The following CNTN1 variants were observed in gnomAD, a reference collection of about 807,000 sequenced individuals.
The protein encoded by CNTN1 is contactin 1, also known as contactin-1.
CNTN1 carries 38 observed loss-of-function variants against 126.4 expected under a neutral mutation model. The ratio of observed to expected loss-of-function variants is 0.30; its 90% CI spans 0.23 to 0.39. The LOEUF is 0.39. CNTN1 is among the 10% of genes least tolerant of loss of function. The pLI, the probability that CNTN1 is intolerant of heterozygous loss-of-function variation, is 1.00. For synonymous variants in CNTN1, 413 were observed against 422.6 expected (o/e 0.98, Z 0.28); for missense variants, 1,009 against 1,248.4 (o/e 0.81, Z 2.89).
chr12:40,710,942 A>G (rs1941897869), intron 1 of CNTN1, among the ~76,000 whole-genome samples: 1 of 152,096 alleles, frequency 6.6e-6, no homozygotes, highest in Non-Finnish European at 1.5e-5. Context: ...TTTTAAATTC[A>G]GCCTTTTTCC....
chr12:40,713,743 G>A (rs1488303101), intron 1 of CNTN1, among the ~76,000 whole-genome samples: 1 of 152,044 alleles, frequency 6.6e-6, no homozygotes, highest in African/African-American at 2.4e-5. Flanking sequence ...AACTCTATAT[G>A]TTCCCAATAC....
chr12:41,002,558 C>T (rs1083205), intron 17 of CNTN1, among the ~76,000 whole-genome samples: 41,932 of 134,252 alleles, frequency 0.31, 7,194 homozygotes, highest in African/African-American at 0.49. Flanking sequence ...GGGTTTCTTT[C>T]TTTTTTTTTT....
At chr12:41,063,151 T>C (rs535140057) in intron 23 of CNTN1, among the ~76,000 whole-genome samples, 5 of 152,350 alleles carry the variant, frequency 3.3e-5, no homozygotes, top group Non-Finnish European at 5.9e-5. Context: ...TGGTTACTCA[T>C]AAAAATGGAT....
intron 1 of CNTN1, among the ~76,000 whole-genome samples, chr12:40,705,606 G>C (rs1374992094): frequency 6.6e-6 from 1 of 151,978 alleles, no homozygotes; most frequent in African/African-American, 2.4e-5. Context: ...ATGTATACAT[G>C]TGACATGCTG....
chr12:40,788,735 G>C (rs1446059848), intron 1 of CNTN1, among the ~76,000 whole-genome samples: 2 of 152,020 alleles, frequency 1.3e-5, no homozygotes, highest in African/African-American at 2.4e-5. Flanking sequence ...ATACCTCCTA[G>C]GTGACTAGAG....
In CNTN1 at chr12:41,018,026, G is replaced by T. The variant is rs1240050791; in HGVS notation, c.2419+1110G>T. ...GAATCGCCTGGACCCGGGAGGTGAA[G>T]TTGCCGTGAGCCGAGATCAGGCCAT... On this transcript the variant is annotated intron_variant, in intron 19 of 23. Coordinates refer to ENST00000551295, the MANE Select transcript of CNTN1 (RefSeq NM_001843.4). Among the ~76,000 whole-genome samples, 3 of 151,778 alleles carry T rather than the reference G, an allele frequency of 2.0e-5. No homozygotes were observed. The East Asian group carries it at 5.8e-4, about 30-fold the overall frequency.
intron 14 of CNTN1, among the ~76,000 whole-genome samples, chr12:40,950,097 G>GGTGTGTGTGTGTGTGTGT (rs59713493): frequency 6.9e-6 from 1 of 145,234 alleles, no homozygotes; most frequent in African/African-American, 2.6e-5. Flanking sequence ...GTGTTGAGAG[G>GGTGTGTGTGTGTGTGTGT]GTGTGTGTGT....
chr12:41,059,513 A>C (rs1949895201), intron 23 of CNTN1, among the ~76,000 whole-genome samples: 1 of 152,206 alleles, frequency 6.6e-6, no homozygotes, highest in Non-Finnish European at 1.5e-5. Context: ...AGCAGCCAGG[A>C]TGTAGAGGAA....
At position 40,941,239 on chromosome 12, in the gene CNTN1, TA is replaced by T. The variant is rs376593824; in HGVS notation, c.1379+1756del. 2.3e-3 allele frequency among the ~76,000 whole-genome samples: 345 copies of T among 152,306 alleles called. 1 individual carries two copies. Among genetic ancestry groups the T allele is most frequent in the Non-Finnish European group, 4.3e-3 (292 of 68,024 alleles). The stretch of plus-strand genomic sequence containing the variant: ...TAAATCTAATTTTTACTTAGTACTT[TA>T]ACCCATTACTATCTCAGTGTAAATA... On this transcript the variant is annotated intron_variant, in intron 12 of 23. Coordinates refer to ENST00000551295, the MANE Select transcript of CNTN1 (RefSeq NM_001843.4).
At chr12:40,822,041 T>C (rs563909053) in intron 1 of CNTN1, among the ~76,000 whole-genome samples, 5 of 152,004 alleles carry the variant, frequency 3.3e-5, no homozygotes, top group Admixed American at 6.6e-5. Flanking sequence ...TGAATTTCTT[T>C]CTGGTAATAC....
At chr12:40,881,590 T>A (rs1046319288) in intron 1 of CNTN1, among the ~76,000 whole-genome samples, 6 of 151,926 alleles carry the variant, frequency 3.9e-5, no homozygotes, top group African/African-American at 1.4e-4. Context: ...GGCCCCTATT[T>A]TGGGTATCAC....
intron 1 of CNTN1, among the ~76,000 whole-genome samples, chr12:40,868,748 C>T (rs959330020): frequency 1.9e-4 from 29 of 152,110 alleles, no homozygotes; most frequent in African/African-American, 7.0e-4. Context: ...ATTTCATGGT[C>T]TTTGTCTCTA....
chr12:40,763,019 ACTCTGTTAGTT>A (rs1056692366), intron 1 of CNTN1: 3 of 151,942 alleles, frequency 2.0e-5, no homozygotes, highest in African/African-American at 7.3e-5. Context: ...TTGAATTCTC[ACTCTGTTAGTT>A]CATGTGAGAG....
chr12:40,800,502 T>A (rs1273716789), intron 1 of CNTN1, among the ~76,000 whole-genome samples: 1 of 151,964 alleles, frequency 6.6e-6, no homozygotes, highest in African/African-American at 2.4e-5. Context: ...AAATAATATT[T>A]TCTACTGTTA....
chr12:40,924,361 A>G (rs1945554690), intron 5 of CNTN1, among the ~76,000 whole-genome samples, 196 bp from the exon 6 acceptor site: 1 of 152,146 alleles, frequency 6.6e-6, no homozygotes, highest in Non-Finnish European at 1.5e-5. Flanking sequence ...CTTTGAGCTC[A>G]TAACAGAACT....
chr12:40,971,321 T>C (rs1442417390), intron 15 of CNTN1: 3 of 873,752 alleles, frequency 3.4e-6, no homozygotes, highest in Admixed American at 2.4e-5. Flanking sequence ...TTTCTGTGTT[T>C]ATTCTTTCAC....
At chr12:40,755,141 T>C (rs1393357806) in intron 1 of CNTN1, among the ~76,000 whole-genome samples, 2 of 127,800 alleles carry the variant, frequency 1.6e-5, no homozygotes, top group African/African-American at 3.1e-5. Flanking sequence ...CAGTGAACCA[T>C]GATTTTTCCA....
intron 1 of CNTN1, among the ~76,000 whole-genome samples, chr12:40,783,661 A>G (rs1245519959): frequency 6.6e-6 from 1 of 152,114 alleles, no homozygotes; most frequent in African/African-American, 2.4e-5. Flanking sequence ...ATGATTTAAA[A>G]CAACTTGTAT....
intron 1 of CNTN1, among the ~76,000 whole-genome samples, chr12:40,836,008 G>GTGTGTGTA (rs141242584): frequency 6.7e-4 from 100 of 148,306 alleles, no homozygotes; most frequent in East Asian, 1.8e-3. Context: ...GTGTGTGTGT[G>GTGTGTGTA]TATATATGTA....
Sources: allele counts gnomAD v4.1 joint callset (sites outside exome capture counted in the v4.1 genomes callset), GRCh38; gene constraint gnomAD v4.1.1; transcripts MANE v1.5; gene names NCBI Gene and HGNC (gene_info 2026-07-23, HGNC 2026-07-21).